Variants in SLC24A2 observed in about 807,000 individuals in gnomAD.
The protein encoded by SLC24A2 is sodium/potassium/calcium exchanger 2.
SLC24A2 carries 36 observed loss-of-function variants against 62.0 expected under a neutral mutation model. The observed-to-expected ratio is 0.58, with a 90% CI of 0.44 to 0.77. The LOEUF is 0.77. Among genes scored for constraint, SLC24A2 ranks in the 30% least tolerant of loss-of-function variants. The pLI is 0.00. For synonymous variants in SLC24A2, 358 were observed against 294.0 expected, an observed-to-expected ratio of 1.22 and a Z score of -2.23; for missense variants, 846 against 817.9, an observed-to-expected ratio of 1.03 and a Z score of -0.42.
chr9:19,773,621 A>T (rs114760145), intron 2 of SLC24A2, among the ~76,000 whole-genome samples: 1 of 152,334 alleles, frequency 6.6e-6, no homozygotes, highest in African/African-American at 2.4e-5. Context: ...CAACTTCTTG[A>T]AGCATTAAGC....
chr9:20,108,579 T>G, the SLC24A2 span, among the ~76,000 whole-genome samples: 1 of 152,056 alleles, frequency 6.6e-6, no homozygotes, highest in African/African-American at 2.4e-5. Context: ...ATCATCATTC[T>G]CAGTAAACTA....
At chr9:19,838,083 G>A in the SLC24A2 span, among the ~76,000 whole-genome samples, 12 of 151,856 alleles carry the variant, frequency 7.9e-5, no homozygotes, top group African/African-American at 1.9e-4. Context: ...AAGTTCATAT[G>A]GAACCAAAAA....
At chr9:20,263,620 C>G in the SLC24A2 span, among the ~76,000 whole-genome samples, 1 of 152,212 alleles carries the variant, frequency 6.6e-6, no homozygotes, top group Non-Finnish European at 1.5e-5. Flanking sequence ...CACCTTCACA[C>G]TGTGCTTCAT....
At chr9:19,555,080 G>C (rs1835016061) in intron 7 of SLC24A2, among the ~76,000 whole-genome samples, 1 of 152,010 alleles carries the variant, frequency 6.6e-6, no homozygotes, top group African/African-American at 2.4e-5. Context: ...GGTTTTCTTG[G>C]TGTTTATAGG....
At chr9:19,728,880 AG>A (rs1455004053) in intron 2 of SLC24A2, among the ~76,000 whole-genome samples, 2 of 152,236 alleles carry the variant, frequency 1.3e-5, no homozygotes, top group African/African-American at 4.8e-5. Flanking sequence ...AAAGCCAAGC[AG>A]CACACCAAAA....
the SLC24A2 span, among the ~76,000 whole-genome samples, chr9:20,210,114 C>T: frequency 6.6e-6 from 1 of 152,158 alleles, no homozygotes; most frequent in African/African-American, 2.4e-5. Flanking sequence ...CTGAAGTTTA[C>T]ATTCACACAG....
the SLC24A2 span, among the ~76,000 whole-genome samples, chr9:20,046,246 G>C: frequency 6.6e-6 from 1 of 152,192 alleles, no homozygotes; most frequent in African/African-American, 2.4e-5. Flanking sequence ...CAACACAGAG[G>C]CTTGTCAGCA....
chr9:20,096,300 A>G, the SLC24A2 span, among the ~76,000 whole-genome samples: 2 of 152,162 alleles, frequency 1.3e-5, no homozygotes, highest in Non-Finnish European at 2.9e-5. Context: ...CTTTAACTCA[A>G]TGAGCCACCT....
chr9:20,012,293 C>T, the SLC24A2 span, among the ~76,000 whole-genome samples: 18 of 152,250 alleles, frequency 1.2e-4, no homozygotes, highest in East Asian at 5.8e-4. Flanking sequence ...TCTCACATGG[C>T]AGCAGACAAG....
chr9:19,567,414 C>T lies in SLC24A2; in HGVS notation c.1347+5937G>A, dbSNP rs1452036885. Among the ~76,000 whole-genome samples, 17 of 151,152 alleles carry T rather than the reference C, an allele frequency of 1.1e-4. No individual in the cohort carries two copies. The East Asian group carries it at 2.9e-3, about 26-fold the overall frequency. ...ACAAAAAATTAGCCGGGTGTGGTGG[C>T]GGGCGCCTGTAGTCCCAGCTACTTG... On this transcript the variant is annotated intron_variant, in intron 7 of 10. Coordinates refer to ENST00000341998, the MANE Select transcript of SLC24A2 (RefSeq NM_020344.4).
At chr9:19,778,480 G>A (rs1380266740) in intron 2 of SLC24A2, among the ~76,000 whole-genome samples, 5 of 152,086 alleles carry the variant, frequency 3.3e-5, no homozygotes, top group East Asian at 1.9e-4. Context: ...AATCTGCCTC[G>A]CAAAGGGAGA....
At chr9:19,531,810 T>C (rs1487767696) in intron 8 of SLC24A2, among the ~76,000 whole-genome samples, 2 of 151,500 alleles carry the variant, frequency 1.3e-5, no homozygotes, top group East Asian at 3.9e-4. Flanking sequence ...ACAAATTATT[T>C]AATCTCTTTA....
chr9:20,147,566 G>A, the SLC24A2 span, among the ~76,000 whole-genome samples: 10 of 152,242 alleles, frequency 6.6e-5, no homozygotes, highest in African/African-American at 7.2e-5. Flanking sequence ...TAGATATGCC[G>A]TAAATTCTTG....
At chr9:20,197,568 A>C in the SLC24A2 span, among the ~76,000 whole-genome samples, 1 of 151,304 alleles carries the variant, frequency 6.6e-6, no homozygotes. Flanking sequence ...AGTAGCTGAC[A>C]CTACAGGCAT....
the SLC24A2 span, among the ~76,000 whole-genome samples, chr9:20,034,468 T>C: frequency 7.1e-6 from 1 of 141,582 alleles, no homozygotes; most frequent in Admixed American, 7.0e-5. Context: ...TTTTTTTTTT[T>C]TTTTTTTTTG....
At chr9:20,147,535 G>C in the SLC24A2 span, among the ~76,000 whole-genome samples, 5 of 152,134 alleles carry the variant, frequency 3.3e-5, no homozygotes, top group Admixed American at 2.0e-4. Context: ...AGCTATTCCT[G>C]AGTTTGGCAA....
chr9:19,576,914 C>T lies in SLC24A2; in HGVS notation c.1228+10G>A, dbSNP rs766728527. On this transcript the variant is annotated intron_variant, in intron 6 of 10. Coordinates refer to ENST00000341998, the MANE Select transcript of SLC24A2 (RefSeq NM_020344.4). The stretch of plus-strand genomic sequence containing the variant: ...GGAAAGGTATGGGGTGGATGTTTCC[C>T]TGCACTCACCCACGTGGTTGGCAGC... 7.5e-6 allele frequency: 12 copies of T among 1,600,064 alleles called. No individual in the cohort carries two copies. Among genetic ancestry groups the T allele is most frequent in the Admixed American group, 3.3e-5 (2 of 60,002 alleles).
At chr9:19,976,746 G>A in the SLC24A2 span, among the ~76,000 whole-genome samples, 2 of 152,156 alleles carry the variant, frequency 1.3e-5, no homozygotes, top group Non-Finnish European at 2.9e-5. Flanking sequence ...TTTGGTATCT[G>A]CAGGGGTCCT....
Position 19,560,932 on chromosome 9 carries a change from G to T in SLC24A2, c.1348-10664C>A, listed in dbSNP as rs1169827637. On this transcript the variant is annotated intron_variant, in intron 7 of 10. Coordinates refer to ENST00000341998, the MANE Select transcript of SLC24A2 (RefSeq NM_020344.4). Reference sequence around the variant, plus strand: ...ATATATATATAGAGAGAGAGAGAGAGAGAGAGAGAGAGAGACAGAGTCTTA... The same window carrying T: ...ATATATATATAGAGAGAGAGAGAGATAGAGAGAGAGAGAGACAGAGTCTTA... Among the ~76,000 whole-genome samples, 24 of 145,864 alleles carry T rather than the reference G, an allele frequency of 1.6e-4. No individual in the cohort carries two copies. The South Asian group carries it at 2.2e-3, about 13-fold the overall frequency.
Sources: gnomAD v4.1 joint callset for allele counts (sites outside exome capture counted in the v4.1 genomes callset) on GRCh38, gnomAD v4.1.1 for gene constraint, MANE v1.5 for transcripts, NCBI Gene and HGNC (gene_info 2026-07-23, HGNC 2026-07-21) for gene names.